The following NKAIN3 variants were observed in gnomAD, a reference collection of about 807,000 sequenced individuals.
NKAIN3 encodes the protein sodium/potassium transporting ATPase interacting 3.
In NKAIN3, 25 loss-of-function variants were observed where a neutral mutation model predicts 30.2. The ratio of observed to expected loss-of-function variants is 0.83; its 90% CI spans 0.60 to 1.16. The LOEUF (loss-of-function observed/expected upper bound fraction) is 1.16. Among genes scored for constraint, NKAIN3 ranks in the 50% most tolerant of loss-of-function variants. The pLI is 0.00. For synonymous variants in NKAIN3, 91 were observed against 89.6 expected (o/e 1.02, Z -0.09); for missense variants, 225 against 254.1 (o/e 0.89, Z 0.78).
chr8:62,419,970 A>G (rs1016445382), intron 1 of NKAIN3, among the ~76,000 whole-genome samples: 1 of 152,152 alleles, frequency 6.6e-6, no homozygotes, highest in Non-Finnish European at 1.5e-5. Context: ...TCTATAGTGA[A>G]GGACACTTCT....
At chr8:62,627,980 C>T (rs372907656) in intron 3 of NKAIN3, among the ~76,000 whole-genome samples, 8 of 152,126 alleles carry the variant, frequency 5.3e-5, no homozygotes, top group Non-Finnish European at 8.8e-5. Context: ...GGCCTTCTTC[C>T]TGGCACTCAG....
At chr8:62,611,172 T>A (rs557720221) in intron 3 of NKAIN3, among the ~76,000 whole-genome samples, 157 of 152,198 alleles carry the variant, frequency 1.0e-3, no homozygotes, top group Admixed American at 1.8e-3. Context: ...ATTTCTTTTT[T>A]AAAAAAATGT....
At chr8:62,430,366 G>GGTGTGTGTGTGTGT (rs59837325) in intron 1 of NKAIN3, among the ~76,000 whole-genome samples, 25 of 142,564 alleles carry the variant, frequency 1.8e-4, no homozygotes, top group Admixed American at 1.3e-3. Flanking sequence ...TATATATTGT[G>GGTGTGTGTGTGTGT]GTGTGTGTGT....
intron 4 of NKAIN3, among the ~76,000 whole-genome samples, chr8:62,874,345 T>A (rs1351542935): frequency 6.6e-6 from 1 of 152,018 alleles, no homozygotes; most frequent in Non-Finnish European, 1.5e-5. Context: ...ATTAATAGCC[T>A]ACCAACCAAA....
chr8:62,817,200 T>A (rs546362018), intron 4 of NKAIN3, among the ~76,000 whole-genome samples: 23 of 152,256 alleles, frequency 1.5e-4, no homozygotes, highest in South Asian at 1.5e-3. Context: ...GTGGAGGAGG[T>A]GAGTGCTGCA....
intron 4 of NKAIN3, among the ~76,000 whole-genome samples, chr8:62,807,645 C>A (rs7350136): frequency 6.7e-6 from 1 of 148,646 alleles, no homozygotes; most frequent in African/African-American, 2.5e-5. Context: ...CTCCACTTCC[C>A]GGGTTCAAGC....
chr8:62,332,061 C>G (rs1208368301), intron 1 of NKAIN3, among the ~76,000 whole-genome samples: 1 of 152,068 alleles, frequency 6.6e-6, no homozygotes, highest in Non-Finnish European at 1.5e-5. Context: ...ACTTGTTGCC[C>G]TTCAACCTGT....
At chr8:62,347,098 G>A (rs1816029152) in intron 1 of NKAIN3, among the ~76,000 whole-genome samples, 1 of 152,122 alleles carries the variant, frequency 6.6e-6, no homozygotes, top group Admixed American at 6.6e-5. Context: ...CAAACTGTAA[G>A]TTGGTTCTGG....
At chr8:62,582,546 A>T (rs2130075033) in intron 2 of NKAIN3, among the ~76,000 whole-genome samples, 1 of 152,210 alleles carries the variant, frequency 6.6e-6, no homozygotes, top group African/African-American at 2.4e-5. Context: ...TATGAGAGTG[A>T]GTCACGAGTA....
chr8:62,880,891 T>C (rs558051945), intron 4 of NKAIN3, among the ~76,000 whole-genome samples: 1 of 152,312 alleles, frequency 6.6e-6, no homozygotes, highest in South Asian at 2.1e-4. Context: ...GAAAATCATT[T>C]CTGTATATTT....
chr8:62,387,081 A>G (rs1164944933), intron 1 of NKAIN3, among the ~76,000 whole-genome samples: 2 of 152,178 alleles, frequency 1.3e-5, no homozygotes, highest in Non-Finnish European at 1.5e-5. Flanking sequence ...AGTCACAAAT[A>G]CTACCCAGGC....
chr8:62,359,346 G>T (rs1207393416), intron 1 of NKAIN3, among the ~76,000 whole-genome samples: 1 of 152,212 alleles, frequency 6.6e-6, no homozygotes, highest in Non-Finnish European at 1.5e-5. Flanking sequence ...GACAGATGGA[G>T]ATCAAAATAT....
chr8:62,808,744 G>C (rs1818387147), intron 4 of NKAIN3, among the ~76,000 whole-genome samples: 1 of 152,058 alleles, frequency 6.6e-6, no homozygotes, highest in Admixed American at 6.6e-5. Flanking sequence ...AGGCAAATGG[G>C]GGCAGACCGA....
intron 1 of NKAIN3, among the ~76,000 whole-genome samples, chr8:62,281,284 G>A (rs1242138297): frequency 6.6e-6 from 1 of 151,608 alleles, no homozygotes; most frequent in African/African-American, 2.4e-5. Flanking sequence ...TATTAGTCTT[G>A]CTAGCAGTCT....
chr8:62,922,176 A>G (rs761679586), intron 5 of NKAIN3, among the ~76,000 whole-genome samples: 18 of 152,208 alleles, frequency 1.2e-4, no homozygotes, highest in Non-Finnish European at 2.4e-4. Context: ...CCTTGCTATT[A>G]TACTTTTGAG....
At chr8:62,817,682 G>A (rs1179455788) in intron 4 of NKAIN3, among the ~76,000 whole-genome samples, 2 of 152,078 alleles carry the variant, frequency 1.3e-5, no homozygotes, top group Non-Finnish European at 2.9e-5. Context: ...ACAATTTCAG[G>A]AAGCAAAAAC....
At chr8:62,824,283 C>T (rs1818948569) in intron 4 of NKAIN3, among the ~76,000 whole-genome samples, 1 of 152,034 alleles carries the variant, frequency 6.6e-6, no homozygotes, top group African/African-American at 2.4e-5. Flanking sequence ...GTACTTGGTC[C>T]CGTATGGGGA....
At chr8:62,683,300 C>T (rs1269656672) in intron 3 of NKAIN3, among the ~76,000 whole-genome samples, 1 of 152,148 alleles carries the variant, frequency 6.6e-6, no homozygotes, top group Non-Finnish European at 1.5e-5. Flanking sequence ...TCCCAAAGTG[C>T]TGAGATTATA....
chr8:62,655,003 C>G (rs1812724740), intron 3 of NKAIN3, among the ~76,000 whole-genome samples: 1 of 152,182 alleles, frequency 6.6e-6, no homozygotes, highest in Non-Finnish European at 1.5e-5. Context: ...GCTCTATATT[C>G]ATAGTCACTC....
Sources: allele counts gnomAD v4.1 joint callset (sites outside exome capture counted in the v4.1 genomes callset), GRCh38; gene constraint gnomAD v4.1.1; transcripts MANE v1.5; gene names NCBI Gene and HGNC (gene_info 2026-07-23, HGNC 2026-07-21).